PLAGL1: variants seen among roughly 807,000 people sequenced by gnomAD.
The protein encoded by PLAGL1 is zinc finger protein PLAGL1.
A neutral mutation model predicts 4.6 loss-of-function variants in PLAGL1; 1 was observed. The observed-to-expected ratio is 0.22, with a 90% CI of 0.08 to 1.03. PLAGL1 has a LOEUF of 1.03. Among genes scored for constraint, PLAGL1 ranks in the 50% least tolerant of loss-of-function variants. The pLI, the probability that PLAGL1 is intolerant of heterozygous loss-of-function variation, is 0.58. For missense variants in PLAGL1, 464 were observed against 570.4 expected (o/e 0.81, Z 1.90); for synonymous variants, 240 against 237.8 (o/e 1.01, Z -0.08).
At position 144,018,339 on chromosome 6, in the gene PLAGL1, A is replaced by G. The variant is rs1442348153; in HGVS notation, c.-151+46129T>C. Among the ~76,000 whole-genome samples the G allele has an allele frequency of 2.0e-5, 3 of 152,194 alleles. No homozygotes were observed. In the East Asian group the frequency reaches 5.8e-4, roughly 29 times the overall value. On this transcript the variant is annotated intron_variant, in intron 1 of 3. Transcript: ENST00000437412. ...AGTATAAAAAAGTGAAACTCATAGAAGTAGACAGAGAGTAGAATGCTGGTT... is the reference window on the plus strand; with the variant it reads ...AGTATAAAAAAGTGAAACTCATAGAGGTAGACAGAGAGTAGAATGCTGGTT...
chr6:143,967,475 T>G (rs1157989965), intron 3 of PLAGL1: 1 of 152,224 alleles, frequency 6.6e-6, no homozygotes, highest in Non-Finnish European at 1.5e-5. Flanking sequence ...AGCATGTGTT[T>G]ATAAAATAAA....
At chr6:143,943,031 A>ATTTTTTTTTT (rs61216054) in intron 7 of PLAGL1, among the ~76,000 whole-genome samples, 17,745 of 63,820 alleles carry the variant, frequency 0.28, 4,579 homozygotes, top group South Asian at 0.39. Flanking sequence ...GGCCTGGCTA[A>ATTTTTTTTTT]TTTTTTTTTT....
In PLAGL1 at chr6:143,952,772, C is replaced by A. The variant is rs999296331; in HGVS notation, c.-324-4312G>T. ...GACTTCTGGCATCTATTTCCATTGT[C>A]CTCAGTGACACAATCAATGCAAGGC... is the stretch of plus-strand genomic sequence containing the variant. On this transcript the variant is annotated intron_variant, in intron 6 of 7. Transcript: ENST00000674357. The surrounding 1 kb of genome is among the most constrained non-coding windows in gnomAD (Gnocchi z 6.1). Among the ~76,000 whole-genome samples the A allele has an allele frequency of 1.3e-5, 2 of 152,192 alleles. No individual in the cohort carries two copies. The highest frequency in any genetic ancestry group is 2.9e-5 in the Non-Finnish European group (2 of 68,038).
Position 143,997,287 on chromosome 6 carries a change from T to C in PLAGL1, c.-584+10803A>G, listed in dbSNP as rs1791847461. On this transcript the variant is annotated intron_variant, in intron 1 of 7. Transcript: ENST00000674357. The surrounding 1 kb of genome is among the most constrained non-coding windows in gnomAD (Gnocchi z 4.6). ...CCTAACAATTCTAGTCTCAGATTTGTTCCTTGGCAAAATACTGCAAATGTC... is the reference window on the plus strand; with the variant it reads ...CCTAACAATTCTAGTCTCAGATTTGCTCCTTGGCAAAATACTGCAAATGTC... Among the ~76,000 whole-genome samples, 1 of 152,224 alleles carries C rather than the reference T, an allele frequency of 6.6e-6. No individual in the cohort carries two copies.
At chr6:144,030,212 G>A (rs182286751) in intron 1 of PLAGL1, among the ~76,000 whole-genome samples, 140 of 116,904 alleles carry the variant, frequency 1.2e-3, no homozygotes, top group African/African-American at 4.3e-3. Context: ...CCGAGATTGC[G>A]CCACTGCACT....
At position 143,990,942 on chromosome 6, in the gene PLAGL1, G is replaced by A. The variant is rs994497517; in HGVS notation, c.-583-5768C>T. Reference sequence around the variant, plus strand: ...ACCACTTGGTGTCAATTATTTAATTGTTCCAACCACATGAGAATAGGTGGC... The same window carrying A: ...ACCACTTGGTGTCAATTATTTAATTATTCCAACCACATGAGAATAGGTGGC... On this transcript the variant is annotated intron_variant, in intron 1 of 7. Coordinates refer to ENST00000674357, the MANE Select transcript of PLAGL1 (RefSeq NM_001317162.2). The surrounding 1 kb of genome is among the most constrained non-coding windows in gnomAD (Gnocchi z 5.4). 2.6e-5 allele frequency among the ~76,000 whole-genome samples: 4 copies of A among 152,196 alleles called. No homozygotes were observed. The highest frequency in any genetic ancestry group is 9.7e-5 in the African/African-American group (4 of 41,444).
intron 1 of PLAGL1, among the ~76,000 whole-genome samples, chr6:144,021,909 C>T (rs528738261): frequency 4.7e-4 from 71 of 152,214 alleles, no homozygotes; most frequent in Admixed American, 5.9e-4. Flanking sequence ...AAGATACTGG[C>T]TCTCTGGGAA....
rs1799429205 is a variant in PLAGL1 at position 144,061,799 on chromosome 6, T to C, written c.-151+2669A>G. Among the ~76,000 whole-genome samples the C allele has an allele frequency of 6.6e-6, 1 of 152,204 alleles. No individual in the cohort carries two copies. The highest frequency in any genetic ancestry group is 6.5e-5 in the Admixed American group (1 of 15,274). On this transcript the variant is annotated intron_variant, in intron 1 of 3. Coordinates refer to the PLAGL1 transcript ENST00000437412. The surrounding 1 kb of genome is among the most constrained non-coding windows in gnomAD (Gnocchi z 4.4). ...CTTCCTCCTCCCAATCTCCCTCTTCTAGTTATTCCTTTTTTTAATTCCTCT... is the reference window on the plus strand; with the variant it reads ...CTTCCTCCTCCCAATCTCCCTCTTCCAGTTATTCCTTTTTTTAATTCCTCT...
intron 1 of PLAGL1, among the ~76,000 whole-genome samples, chr6:144,045,412 T>C (rs1562606650): frequency 2.0e-5 from 3 of 152,216 alleles, no homozygotes; most frequent in Admixed American, 1.3e-4. Context: ...TTTGCTTGTC[T>C]GTAAAGGATT....
Position 144,002,326 on chromosome 6 carries a change from T to G in PLAGL1, c.-584+5764A>C, listed in dbSNP as rs150930250. ...AAAGTACAGTAAACATCACCCTTAA[T>G]AGTGAAATATTGAGGTATTCTCCCC... On this transcript the variant is annotated intron_variant, in intron 1 of 7. Coordinates refer to ENST00000674357, the MANE Select transcript of PLAGL1 (RefSeq NM_001317162.2). 4.2e-3 allele frequency among the ~76,000 whole-genome samples: 638 copies of G among 152,282 alleles called. 6 individuals are homozygous for G. Among genetic ancestry groups the G allele is most frequent in the African/African-American group, 0.015 (611 of 41,582 alleles).
At position 143,941,500 on chromosome 6, in the gene PLAGL1, A is replaced by AG; in HGVS notation, c.1315dup (p.Leu439ProfsTer30). On this transcript the variant is annotated frameshift_variant, in exon 8 of 8. Transcript: ENST00000674357. LOFTEE classifies it high-confidence loss of function. This position sits in a 1 kb window ranked among gnomAD's most constrained non-coding sequence, Gnocchi z 6.0. ...TGAGAACACATGAGGGATGGGGGGC[A>AG]GGGGGAGCTGGCCCAGGCTCACAGT... 6.5e-7 allele frequency: 1 copy of AG among 1,529,924 alleles called. No homozygotes were observed. The highest frequency in any genetic ancestry group is 2.1e-5 in the Admixed American group (1 of 47,442). The allele number at this position is 1,529,924 out of a possible 1,614,324, so 94.8% of individuals were successfully genotyped here.
rs1240607983 is a variant in PLAGL1, at chr6:143,972,179, CCATT to C, written c.-543-3205_-543-3202del. 7.9e-5 allele frequency among the ~76,000 whole-genome samples: 12 copies of C among 152,242 alleles called. No homozygotes were observed. The highest frequency in any genetic ancestry group is 1.6e-4 in the Non-Finnish European group (11 of 68,036). On this transcript the variant is annotated intron_variant, in intron 2 of 7. Transcript: ENST00000674357. This position sits in a 1 kb window ranked among gnomAD's most constrained non-coding sequence, Gnocchi z 6.8. ...GGAATGTAGACAGAGCCATCAATCC[CCATT>C]CATTCAGCTCGCATTTACCGAGCCA...
chr6:143,958,812 G>A lies in PLAGL1; in HGVS notation c.-325+1657C>T, dbSNP rs1050236954. On this transcript the variant is annotated intron_variant, in intron 6 of 7. Transcript: ENST00000674357. This position sits in a 1 kb window ranked among gnomAD's most constrained non-coding sequence, Gnocchi z 5.1. ...GGCAAGTTTTCCAAGCGACAACACT[G>A]GCTTTTCTGAAAGGGGAAAGGAATG... Among the ~76,000 whole-genome samples, 2 of 152,130 alleles carry A rather than the reference G, an allele frequency of 1.3e-5. No individual in the cohort carries two copies.
chr6:143,944,916 A>G (rs1779434504), intron 7 of PLAGL1, among the ~76,000 whole-genome samples: 1 of 151,614 alleles, frequency 6.6e-6, no homozygotes, highest in Non-Finnish European at 1.5e-5. Context: ...CCATGGGTAG[A>G]TCAATACCAG....
intron 1 of PLAGL1, among the ~76,000 whole-genome samples, chr6:144,051,146 C>A (rs555791640): frequency 6.6e-6 from 1 of 152,308 alleles, no homozygotes; most frequent in South Asian, 2.1e-4. Flanking sequence ...GAAATCACCT[C>A]AATTACGTAC....
rs1782558555 is a variant in PLAGL1, at chr6:143,958,138, A to G, written c.-325+2331T>C. Among the ~76,000 whole-genome samples, 1 of 152,224 alleles carries G rather than the reference A, an allele frequency of 6.6e-6. No homozygotes were observed. The highest frequency in any genetic ancestry group is 1.5e-5 in the Non-Finnish European group (1 of 68,026). On this transcript the variant is annotated intron_variant, in intron 6 of 7. Coordinates refer to ENST00000674357, the MANE Select transcript of PLAGL1 (RefSeq NM_001317162.2). This position sits in a 1 kb window ranked among gnomAD's most constrained non-coding sequence, Gnocchi z 5.1. ...AGGGATAGTGCACCTGGCAGGGGAC[A>G]CTGGGTTTATCCTACAGGGAACTGG... is the stretch of plus-strand genomic sequence containing the variant.
chr6:143,946,823 T>C (rs1262789220), intron 7 of PLAGL1, among the ~76,000 whole-genome samples: 2 of 152,198 alleles, frequency 1.3e-5, no homozygotes, highest in Non-Finnish European at 2.9e-5. Flanking sequence ...AATGGTGCAT[T>C]TCCCTTAACC....
In PLAGL1 at chr6:143,953,206, C is replaced by T. The variant is rs1191212821; in HGVS notation, c.-324-4746G>A. Among the ~76,000 whole-genome samples the T allele has an allele frequency of 6.6e-6, 1 of 152,214 alleles. No homozygotes were observed. The highest frequency in any genetic ancestry group is 1.5e-5 in the Non-Finnish European group (1 of 68,042). ...TACTCAATGGCCCAGTAGAGATCTC[C>T]ACCTTAATATGTTTGAAGAGCTTTC... On this transcript the variant is annotated intron_variant, in intron 6 of 7. Coordinates refer to ENST00000674357, the MANE Select transcript of PLAGL1 (RefSeq NM_001317162.2). This position sits in a 1 kb window ranked among gnomAD's most constrained non-coding sequence, Gnocchi z 5.3.
At chr6:144,035,751 G>GT (rs1797180269) in intron 1 of PLAGL1, among the ~76,000 whole-genome samples, 1 of 152,044 alleles carries the variant, frequency 6.6e-6, no homozygotes, top group Non-Finnish European at 1.5e-5. Flanking sequence ...TCATTTTCTT[G>GT]TTTTTTCTTC....
Sources: gnomAD v4.1 joint callset for allele counts (sites outside exome capture counted in the v4.1 genomes callset) on GRCh38, gnomAD v4.1.1 for gene constraint, Gnocchi (gnomAD v3.1) non-coding constraint, MANE v1.5 for transcripts, NCBI Gene and HGNC (gene_info 2026-07-23, HGNC 2026-07-21) for gene names.